CNTNAP2: variants seen among roughly 807,000 people sequenced by gnomAD.
CNTNAP2 encodes the protein contactin-associated protein-like 2.
Under a neutral mutation model 155.2 loss-of-function variants are expected in CNTNAP2, and 98 were observed. The ratio of observed to expected loss-of-function variants is 0.63; its 90% CI spans 0.54 to 0.75. The LOEUF (loss-of-function observed/expected upper bound fraction) is 0.75. Among genes scored for constraint, CNTNAP2 ranks in the 30% least tolerant of loss-of-function variants. The pLI is 0.00. For synonymous variants in CNTNAP2, 651 were observed against 631.2 expected (o/e 1.03, Z -0.47); for missense variants, 1,727 against 1,688.1 (o/e 1.02, Z -0.40).
rs545867745 is a variant in CNTNAP2, at chr7:148,082,108, G to A, written c.2384-36010G>A. Among the ~76,000 whole-genome samples the A allele has an allele frequency of 3.0e-4, 45 of 152,092 alleles. 1 individual carries two copies. Among genetic ancestry groups the A allele is most frequent in the Non-Finnish European group, 6.0e-4 (41 of 68,008 alleles). On this transcript the variant is annotated intron_variant, in intron 15 of 23. Coordinates refer to ENST00000361727, the MANE Select transcript of CNTNAP2 (RefSeq NM_014141.6). ...ATTACAGGTGGGAGTCATCAGGCCG[G>A]CTTTTAAAGAAGGGCATTGCAGTAG...
Position 148,386,203 on chromosome 7 carries a change from T to A in CNTNAP2, c.3715+2315T>A, listed in dbSNP as rs560735868. ...TACCCAGTGTCCAGCAGATGAAGTA[T>A]TAATGCAATTGTCATTATACCAATT... On this transcript the variant is annotated intron_variant, in intron 22 of 23. Coordinates refer to ENST00000361727, the MANE Select transcript of CNTNAP2 (RefSeq NM_014141.6). Among the ~76,000 whole-genome samples the A allele has an allele frequency of 2.8e-4, 43 of 152,296 alleles. No homozygotes were observed. The South Asian group carries it at 8.3e-3, about 29-fold the overall frequency.
chr7:146,973,106 G>A (rs1797835924), intron 3 of CNTNAP2, among the ~76,000 whole-genome samples: 1 of 152,152 alleles, frequency 6.6e-6, no homozygotes, highest in Non-Finnish European at 1.5e-5. Context: ...CCAGCTCACT[G>A]CAACATCTGC....
intron 11 of CNTNAP2, among the ~76,000 whole-genome samples, chr7:147,506,302 T>C (rs1375423890): frequency 1.3e-5 from 2 of 152,110 alleles, no homozygotes; most frequent in African/African-American, 4.8e-5. Flanking sequence ...GTTGCTCAGG[T>C]TACAGTGCAA....
intron 21 of CNTNAP2, among the ~76,000 whole-genome samples, chr7:148,291,298 A>C (rs199574235): frequency 7.6e-6 from 1 of 131,348 alleles, no homozygotes; most frequent in African/African-American, 3.0e-5. Flanking sequence ...ATATATATAT[A>C]ATATATATAT....
At chr7:146,474,589 G>A (rs1171575592) in intron 1 of CNTNAP2, among the ~76,000 whole-genome samples, 4 of 151,498 alleles carry the variant, frequency 2.6e-5, no homozygotes, top group African/African-American at 9.7e-5. Flanking sequence ...ATTGCCCAAA[G>A]AATCATTATT....
chr7:147,905,126 A>G (rs1250477791), intron 14 of CNTNAP2, among the ~76,000 whole-genome samples: 1 of 152,236 alleles, frequency 6.6e-6, no homozygotes, highest in Non-Finnish European at 1.5e-5. Flanking sequence ...AAGAACAAGA[A>G]TCCCTGTCCT....
chr7:146,863,635 T>A (rs982140096), intron 3 of CNTNAP2, among the ~76,000 whole-genome samples: 1 of 152,120 alleles, frequency 6.6e-6, no homozygotes, highest in Admixed American at 6.6e-5. Context: ...ATTAGTACTA[T>A]GCTATTTGCT....
chr7:148,008,624 G>A (rs1802020280), intron 15 of CNTNAP2, among the ~76,000 whole-genome samples: 1 of 152,078 alleles, frequency 6.6e-6, no homozygotes, highest in Non-Finnish European at 1.5e-5. Context: ...GAAATGTTAT[G>A]CCAGTGTCAC....
At chr7:146,990,792 A>T (rs1798195071) in intron 3 of CNTNAP2, among the ~76,000 whole-genome samples, 4 of 152,054 alleles carry the variant, frequency 2.6e-5, no homozygotes, top group African/African-American at 9.7e-5. Flanking sequence ...TAAGACATTA[A>T]TAAGAAAAGC....
intron 4 of CNTNAP2, among the ~76,000 whole-genome samples, chr7:147,103,968 ATC>A (rs1261886941): frequency 1.3e-5 from 2 of 152,210 alleles, no homozygotes; most frequent in South Asian, 4.1e-4. Context: ...CTAGGGAGGC[ATC>A]ATAACTAAAT....
In CNTNAP2 at chr7:146,928,483, G is replaced by A. The variant is rs548164672; in HGVS notation, c.402+88579G>A. On this transcript the variant is annotated intron_variant, in intron 3 of 23. Transcript: ENST00000361727. ...AAGATGGCCAAATAGGAACAGCTCC[G>A]GTCTACAGCTCCCAGCATGAACGAC... 6.9e-4 allele frequency among the ~76,000 whole-genome samples: 105 copies of A among 152,228 alleles called. 4 individuals carry two copies. The South Asian group carries it at 0.019, about 27-fold the overall frequency.
At chr7:148,096,120 A>G (rs957772818) in intron 15 of CNTNAP2, among the ~76,000 whole-genome samples, 8 of 152,222 alleles carry the variant, frequency 5.3e-5, no homozygotes, top group Admixed American at 1.3e-4. Context: ...TAAAAACACC[A>G]ATGTCCAACT....
chr7:148,175,662 G>A (rs1231882120), intron 18 of CNTNAP2, among the ~76,000 whole-genome samples: 1 of 152,146 alleles, frequency 6.6e-6, no homozygotes, highest in Non-Finnish European at 1.5e-5. Context: ...TCAGCTATGT[G>A]AGAGGCTCAC....
At chr7:146,145,048 G>A (rs1381681850) in intron 1 of CNTNAP2, among the ~76,000 whole-genome samples, 2 of 152,100 alleles carry the variant, frequency 1.3e-5, no homozygotes, top group Non-Finnish European at 2.9e-5. Flanking sequence ...AATTTGGACT[G>A]GTCAGATACA....
At chr7:147,212,091 A>T (rs1455798164) in intron 8 of CNTNAP2, among the ~76,000 whole-genome samples, 2 of 152,078 alleles carry the variant, frequency 1.3e-5, no homozygotes, top group Non-Finnish European at 2.9e-5. Flanking sequence ...AAAAAGTCAT[A>T]AAACAACACA....
chr7:146,880,560 T>G (rs561877489), intron 3 of CNTNAP2, among the ~76,000 whole-genome samples: 1 of 152,058 alleles, frequency 6.6e-6, no homozygotes, highest in Non-Finnish European at 1.5e-5. Flanking sequence ...AACAGTGGAG[T>G]TGAAATATGA....
At chr7:147,238,232 G>T (rs573570138) in intron 8 of CNTNAP2, among the ~76,000 whole-genome samples, 1 of 152,186 alleles carries the variant, frequency 6.6e-6, no homozygotes, top group Admixed American at 6.5e-5. Flanking sequence ...GGCCAGGATG[G>T]TCTCCATCTC....
chr7:148,383,732 A>G lies in CNTNAP2; in HGVS notation c.3559A>G (p.Ile1187Val), dbSNP rs764899392. ...CCTCTCCAGAGTCCAGTTCAACCAG[A>G]TCGCCCCTCTCAAGGCCGCCTTGAG... ...GCLSRVQFNQIAPLKAALRQT... is the reference protein window; with the variant it reads ...GCLSRVQFNQVAPLKAALRQT... Residue 1187 changes from isoleucine (I) to valine (V), a missense_variant, in exon 22 of 24, where the codon ATC becomes GTC. Transcript: ENST00000361727. 1.9e-6 allele frequency: 3 copies of G among 1,614,066 alleles called. No individual in the cohort carries two copies. Among genetic ancestry groups the G allele is most frequent in the African/African-American group, 2.7e-5 (2 of 74,918 alleles).
chr7:146,663,398 C>T (rs1351691145), intron 1 of CNTNAP2, among the ~76,000 whole-genome samples: 3 of 150,716 alleles, frequency 2.0e-5, no homozygotes, highest in Non-Finnish European at 4.4e-5. Context: ...ATTCTAGATC[C>T]CTTGCTTTTC....
Sources: gnomAD v4.1 joint callset for allele counts (sites outside exome capture counted in the v4.1 genomes callset) on GRCh38, gnomAD v4.1.1 for gene constraint, MANE v1.5 for transcripts, NCBI Gene and HGNC (gene_info 2026-07-23, HGNC 2026-07-21) for gene names.